The following SMG6 variants were observed in gnomAD, a reference collection of about 807,000 sequenced individuals.
The protein encoded by SMG6 is telomerase-binding protein EST1A.
Under a neutral mutation model 142.2 loss-of-function variants are expected in SMG6, and 66 were observed. That is an observed-to-expected ratio of 0.46 (90% CI 0.38 to 0.57). SMG6 has a LOEUF of 0.57. Ranked by LOEUF, SMG6 falls within the 20% of genes least tolerant of loss-of-function variation. The probability of loss-of-function intolerance (pLI) is 0.00; values close to 1 mark genes in which losing one functional copy is unlikely to be tolerated. For synonymous variants in SMG6, 779 were observed against 702.4 expected (o/e 1.11, Z -1.72); for missense variants, 1,793 against 1,832.0 (o/e 0.98, Z 0.39).
intron 10 of SMG6, among the ~76,000 whole-genome samples, chr17:2,193,094 G>A (rs1041047638): frequency 5.3e-5 from 8 of 152,156 alleles, no homozygotes; most frequent in African/African-American, 9.7e-5. Context: ...ATCTCACGTC[G>A]AATTGTAATC....
intron 13 of SMG6, among the ~76,000 whole-genome samples, chr17:2,092,302 C>T (rs1291305061): frequency 6.6e-6 from 1 of 152,164 alleles, no homozygotes; most frequent in African/African-American, 2.4e-5. Context: ...TATGGTTGGC[C>T]TGTGCTAGCT....
intron 13 of SMG6, among the ~76,000 whole-genome samples, chr17:2,091,066 A>T (rs886426487): frequency 1.1e-4 from 16 of 152,318 alleles, no homozygotes; most frequent in African/African-American, 3.4e-4. Context: ...ACTCAGACTA[A>T]TGTGTTTTCA....
chr17:2,126,973 C>T (rs1410218325), intron 13 of SMG6, among the ~76,000 whole-genome samples: 1 of 151,724 alleles, frequency 6.6e-6, no homozygotes, highest in African/African-American at 2.4e-5. Flanking sequence ...TACGCGTGAA[C>T]ACACGCGTGC....
At chr17:2,117,237 G>A (rs1352404697) in intron 13 of SMG6, among the ~76,000 whole-genome samples, 2 of 151,928 alleles carry the variant, frequency 1.3e-5, no homozygotes, top group South Asian at 2.1e-4. Flanking sequence ...TGGGACCACA[G>A]ATATACGTGG....
At chr17:2,070,388 G>A (rs1472814893) in intron 15 of SMG6, among the ~76,000 whole-genome samples, 1 of 152,182 alleles carries the variant, frequency 6.6e-6, no homozygotes, top group Non-Finnish European at 1.5e-5. Context: ...GCGGGGCCAG[G>A]AGGGCAGGTC....
chr17:2,087,215 T>G (rs989916042), intron 13 of SMG6: 2 of 1,290,010 alleles, frequency 1.6e-6, no homozygotes, highest in African/African-American at 3.0e-5. Flanking sequence ...GTGCACACAG[T>G]AGGCTCACAG....
chr17:2,131,004 T>TA (rs1448216880), intron 13 of SMG6, among the ~76,000 whole-genome samples: 2 of 152,008 alleles, frequency 1.3e-5, no homozygotes, highest in Non-Finnish European at 2.9e-5. Context: ...ACTCCGTCTT[T>TA]AAAAAAAGAT....
intron 13 of SMG6, among the ~76,000 whole-genome samples, chr17:2,108,757 T>C (rs887061692): frequency 5.9e-5 from 9 of 152,158 alleles, no homozygotes; most frequent in African/African-American, 2.2e-4. Flanking sequence ...GCCTGGCCAA[T>C]ACAGCGAAGA....
intron 13 of SMG6, among the ~76,000 whole-genome samples, chr17:2,137,251 A>G (rs1469043659): frequency 6.6e-6 from 1 of 152,176 alleles, no homozygotes; most frequent in Non-Finnish European, 1.5e-5. Context: ...CTACTACCAC[A>G]CTAATAGGTA....
intron 8 of SMG6, among the ~76,000 whole-genome samples, chr17:2,266,797 T>C (rs144293362): frequency 7.2e-5 from 11 of 152,302 alleles, no homozygotes; most frequent in African/African-American, 1.9e-4. Context: ...AAACTTGCAC[T>C]CACTACCAAC....
At chr17:2,081,433 G>A (rs2068421256) in intron 15 of SMG6, among the ~76,000 whole-genome samples, 1 of 152,174 alleles carries the variant, frequency 6.6e-6, no homozygotes, top group Non-Finnish European at 1.5e-5. Context: ...CCTGGGAACA[G>A]GCGTTCTGAA....
chr17:2,249,082 A>G (rs1276988519), intron 8 of SMG6, among the ~76,000 whole-genome samples: 2 of 151,020 alleles, frequency 1.3e-5, no homozygotes, highest in South Asian at 2.1e-4. Context: ...TTCAGTAGAG[A>G]TGGGGTTTCA....
chr17:2,113,683 G>C (rs1430929094), intron 13 of SMG6, among the ~76,000 whole-genome samples: 1 of 152,200 alleles, frequency 6.6e-6, no homozygotes, highest in Non-Finnish European at 1.5e-5. Context: ...CCATTCTGGA[G>C]ATCTTATTAT....
At chr17:2,142,636 C>G (rs2070518136) in intron 13 of SMG6, among the ~76,000 whole-genome samples, 2 of 152,122 alleles carry the variant, frequency 1.3e-5, no homozygotes, top group Admixed American at 6.5e-5. Context: ...GTAATCCCAG[C>G]ACTTTGGGAG....
In SMG6 at chr17:2,085,518, G is replaced by A. The variant is rs1477098821; in HGVS notation, c.3534+207C>T. On this transcript the variant is annotated intron_variant, in intron 14 of 18. Coordinates refer to ENST00000263073, the MANE Select transcript of SMG6 (RefSeq NM_017575.5). The surrounding 1 kb of genome is among the most constrained non-coding windows in gnomAD (Gnocchi z 4.1). ...CAATGCAGCATTAAAAGAAGCATCT[G>A]GAACTCGTAGTGGAGTAGGATGGAG... Among the ~76,000 whole-genome samples the A allele has an allele frequency of 6.6e-6, 1 of 152,152 alleles. No homozygotes were observed. Among genetic ancestry groups the A allele is most frequent in the Non-Finnish European group, 1.5e-5 (1 of 68,024 alleles).
intron 15 of SMG6, among the ~76,000 whole-genome samples, chr17:2,076,221 C>T (rs1359816813): frequency 6.6e-6 from 1 of 152,132 alleles, no homozygotes; most frequent in Non-Finnish European, 1.5e-5. Context: ...GGGGACTTGC[C>T]TTACACCTCT....
intron 7 of SMG6, 63 bp from the exon 8 acceptor site, chr17:2,282,922 G>A (rs2074822292): frequency 6.5e-7 from 1 of 1,542,470 alleles, no homozygotes; most frequent in South Asian, 1.1e-5. Context: ...TGTAATCCCA[G>A]CACTTAGAGA....
At chr17:2,172,587 C>T in intron 13 of SMG6, 71 bp downstream of exon 13, 1 of 1,543,048 alleles carries the variant, frequency 6.5e-7, no homozygotes, top group East Asian at 2.3e-5. Context: ...CAGAAAACTT[C>T]CCAAGAATAA....
chr17:2,292,553 G>A lies in SMG6; in HGVS notation c.2336C>T (p.Thr779Met), dbSNP rs1311322458. 12 of 1,613,910 alleles carry A rather than the reference G, an allele frequency of 7.4e-6. No homozygotes were observed. The highest frequency in any genetic ancestry group is 2.2e-5 in the East Asian group (1 of 44,894). The change falls in exon 6 of 19, where the codon ACG becomes ATG. Residue 779 changes from threonine (T) to methionine (M), a missense_variant and splice_region_variant. Thr to Met is a moderately conservative substitution (Grantham distance 81). This residue lies in a region of SMG6 where 1,597 missense variants were observed against 1,584.6 expected (regional missense o/e 1.01). Coordinates refer to ENST00000263073, the MANE Select transcript of SMG6 (RefSeq NM_017575.5). ...YNQLALLAVY[T>M]RRKLDAVYYY... ...TCCCCTGTCCACAGGATTTCTTACC[G>A]TATACACTGCCAGCAAAGCCAACTG... is the stretch of plus-strand genomic sequence containing the variant.
Sources: gnomAD v4.1 joint callset for allele counts (sites outside exome capture counted in the v4.1 genomes callset) on GRCh38, gnomAD v4.1.1 for gene constraint, gnomAD v4.1.1 regional missense constraint, Gnocchi (gnomAD v3.1) non-coding constraint, MANE v1.5 for transcripts, NCBI Gene and HGNC (gene_info 2026-07-23, HGNC 2026-07-21) for gene names.